EDA: variants seen among roughly 807,000 people sequenced by gnomAD.
The protein encoded by EDA is ectodysplasin A, also known as ectodysplasin-A.
Under a neutral mutation model 23.6 loss-of-function variants are expected in EDA, and 2 were observed. The observed-to-expected ratio is 0.08, with a 90% CI of 0.03 to 0.27. The LOEUF (loss-of-function observed/expected upper bound fraction) is 0.27, where lower values mean the gene tolerates loss of function less well. EDA is among the 10% of genes least tolerant of loss of function. EDA has a pLI of 1.00. For missense variants in EDA, 229 were observed against 324.2 expected, an observed-to-expected ratio of 0.71 and a Z score of 2.26; for synonymous variants, 131 against 132.0, an observed-to-expected ratio of 0.99 and a Z score of 0.05.
In EDA at chrX:69,616,158, T is replaced by A; in HGVS notation, c.-151T>A. The A allele has an allele frequency of 6.7e-6, 3 of 446,305 alleles. No homozygotes were observed. Among genetic ancestry groups the A allele is most frequent in the Non-Finnish European group, 1.0e-5 (3 of 290,212 alleles). 36.8% of individuals were successfully genotyped at this position (446,305 alleles called of 1,213,427 possible). A position where few individuals can be genotyped will look rare whatever the true frequency, so the allele number is the denominator to read the frequency against. On this transcript the variant is annotated 5_prime_UTR_variant, in exon 1 of 8. Coordinates refer to ENST00000374552, the MANE Select transcript of EDA (RefSeq NM_001399.5). ...TAGAGCTGCACATGCGGCTGCTCCC[T>A]GCTCCGTCCCGCCCAGCCACTGTCG...
chrX:70,001,558 T>C (rs2019741250), intron 2 of EDA, among the ~76,000 whole-genome samples: 1 of 111,890 alleles, frequency 8.9e-6, no homozygotes. Context: ...AGGGTAGCTC[T>C]GATGATTTAT....
At chrX:69,911,179 A>T (rs917719529) in intron 1 of EDA, among the ~76,000 whole-genome samples, 14 of 111,856 alleles carry the variant, frequency 1.3e-4, no homozygotes, top group Non-Finnish European at 2.6e-4. Context: ...GCTCAAATCT[A>T]TGTTCAGAAC....
chrX:69,840,658 A>G (rs1222319059), intron 1 of EDA, among the ~76,000 whole-genome samples: 1 of 112,283 alleles, frequency 8.9e-6, no homozygotes, highest in Admixed American at 9.5e-5. Context: ...TACTCCATTC[A>G]ACCTGCTATA....
chrX:70,031,211 A>G (rs780729038), intron 6 of EDA, among the ~76,000 whole-genome samples: 2 of 112,497 alleles, frequency 1.8e-5, no homozygotes, highest in Non-Finnish European at 1.9e-5. Context: ...CCTTTTTACA[A>G]GACAGAAAGT....
At chrX:69,841,439 A>G (rs2016892890) in intron 1 of EDA, among the ~76,000 whole-genome samples, 1 of 111,907 alleles carries the variant, frequency 8.9e-6, no homozygotes, top group Admixed American at 9.5e-5. Context: ...ACCCAGGCTC[A>G]AGTAGTTCTC....
chrX:69,659,636 T>A (rs2147253110), intron 1 of EDA, among the ~76,000 whole-genome samples: 1 of 112,199 alleles, frequency 8.9e-6, no homozygotes, highest in East Asian at 2.8e-4. Context: ...CGTAATGCCC[T>A]TAAAATGCAA....
chrX:69,616,377 G>A lies in EDA; in HGVS notation c.69G>A (p.Gln23=), dbSNP rs1250516523. The change falls in exon 1 of 8, where the codon CAG becomes CAA. Residue 23 remains glutamine (Q), a synonymous_variant. Transcript: ENST00000374552. ...CAGCGCCGCGGGAGCGAGGGAGCCA[G>A]GGCTGCGGGTGTGGCGGGGCCCCTG... ...PAAAPRERGS[Q]GCGCGGAPAR... is the part of the protein sequence containing the mutation. 8.3e-7 allele frequency: 1 copy of A among 1,209,112 alleles called. No individual in the cohort carries two copies.
At chrX:69,978,036 G>A (rs2019341602) in intron 2 of EDA, among the ~76,000 whole-genome samples, 1 of 110,654 alleles carries the variant, frequency 9.0e-6, no homozygotes, top group East Asian at 2.8e-4. Flanking sequence ...TTTCCTGTTA[G>A]CATCCCTTGT....
chrX:69,734,678 C>T (rs1238215231), intron 1 of EDA, among the ~76,000 whole-genome samples: 1 of 111,405 alleles, frequency 9.0e-6, no homozygotes, highest in African/African-American at 3.3e-5. Context: ...GAGAATTCTT[C>T]TTTGATTCAT....
At chrX:69,747,555 G>C (rs2013661989) in intron 1 of EDA, among the ~76,000 whole-genome samples, 1 of 112,367 alleles carries the variant, frequency 8.9e-6, no homozygotes, top group Admixed American at 9.4e-5. Flanking sequence ...TGTCTGCAGA[G>C]TGGACAGTGG....
chrX:70,032,949 A>G (rs901855966), intron 6 of EDA, among the ~76,000 whole-genome samples: 4 of 112,743 alleles, frequency 3.5e-5, no homozygotes, highest in African/African-American at 1.3e-4. Context: ...GAAAGAGAAA[A>G]CCCATGAACC....
chrX:69,830,531 T>C (rs1381776107), intron 1 of EDA, among the ~76,000 whole-genome samples: 1 of 111,676 alleles, frequency 9.0e-6, no homozygotes, highest in Non-Finnish European at 1.9e-5. Context: ...CTTCCATAAA[T>C]AGTATTTGCA....
At chrX:69,855,676 G>A (rs938716700) in intron 1 of EDA, among the ~76,000 whole-genome samples, 3 of 111,328 alleles carry the variant, frequency 2.7e-5, no homozygotes, top group Non-Finnish European at 5.7e-5. Context: ...TGGTCTACAT[G>A]TCTGTACTTA....
chrX:69,676,281 A>G (rs1368551528), intron 1 of EDA, among the ~76,000 whole-genome samples: 1 of 111,685 alleles, frequency 9.0e-6, no homozygotes, highest in Non-Finnish European at 1.9e-5. Context: ...TAGCAGGGCA[A>G]GGGTAGAAGC....
chrX:69,787,975 G>C (rs1258470141), intron 1 of EDA, among the ~76,000 whole-genome samples: 106 of 111,437 alleles, frequency 9.5e-4, no homozygotes, highest in Admixed American at 9.1e-3. Context: ...ATATTTCTTG[G>C]AGGCTTTGTT....
intron 1 of EDA, chrX:69,937,909 C>T (rs775844786): frequency 1.2e-5 from 14 of 1,200,785 alleles, no homozygotes; most frequent in South Asian, 8.9e-5. Flanking sequence ...TCCATAGCAA[C>T]GTAATTATAT....
At chrX:69,661,577 C>A (rs1213173839) in intron 1 of EDA, among the ~76,000 whole-genome samples, 1 of 111,009 alleles carries the variant, frequency 9.0e-6, no homozygotes, top group Non-Finnish European at 1.9e-5. Flanking sequence ...CTAGCCAGTT[C>A]TCCCAGCACC....
chrX:69,749,400 C>T (rs763867828), intron 1 of EDA, among the ~76,000 whole-genome samples: 79 of 93,654 alleles, frequency 8.4e-4, no homozygotes, highest in Non-Finnish European at 1.5e-3. Context: ...AATAAACATA[C>T]GTGTGCATGT....
At chrX:69,810,021 G>C in intron 1 of EDA, among the ~76,000 whole-genome samples, 1 of 108,836 alleles carries the variant, frequency 9.2e-6, no homozygotes, top group South Asian at 4.0e-4. Context: ...CAGCACTTTG[G>C]GGGGCTGAGG....
Sources: gnomAD v4.1 joint callset for allele counts (sites outside exome capture counted in the v4.1 genomes callset) on GRCh38, gnomAD v4.1.1 for gene constraint, MANE v1.5 for transcripts, NCBI Gene and HGNC (gene_info 2026-07-23, HGNC 2026-07-21) for gene names.